The following TRPM8 variants were observed in gnomAD, a reference collection of about 807,000 sequenced individuals.
TRPM8 encodes the protein transient receptor potential cation channel subfamily M member 8, also known as TRPM8 cationic channel.
A neutral mutation model predicts 133.7 loss-of-function variants in TRPM8; 110 were observed. The observed-to-expected ratio is 0.82, with a 90% confidence interval of 0.70 to 0.96. The LOEUF is 0.96. Among genes scored for constraint, TRPM8 ranks in the 40% least tolerant of loss-of-function variants. TRPM8 has a pLI of 0.00. For missense variants in TRPM8, 1,291 were observed against 1,379.5 expected, an observed-to-expected ratio of 0.94 and a Z score of 1.02; for synonymous variants, 535 against 532.3, an observed-to-expected ratio of 1.01 and a Z score of -0.07.
intron 2 of TRPM8, among the ~76,000 whole-genome samples, chr2:233,927,916 C>CTCTCTT (rs1691592531): frequency 3.0e-5 from 1 of 32,958 alleles, no homozygotes; most frequent in Admixed American, 4.0e-4. Flanking sequence ...CTTTCTCTCT[C>CTCTCTT]TCTCTCTTTC....
chr2:233,986,589 A>G (rs10210459), intron 21 of TRPM8, among the ~76,000 whole-genome samples: 6,331 of 152,274 alleles, frequency 0.042, 411 homozygotes, highest in African/African-American at 0.14. Context: ...TTAATACATT[A>G]TCTGTTAAAC....
intron 17 of TRPM8, among the ~76,000 whole-genome samples, chr2:233,971,841 G>A (rs1047103874): frequency 3.3e-5 from 5 of 151,166 alleles, no homozygotes; most frequent in African/African-American, 1.2e-4. Context: ...ACTGTGGAAG[G>A]GGACCCCAGC....
chr2:233,969,182 A>C (rs1337667096), intron 15 of TRPM8, among the ~76,000 whole-genome samples: 1 of 152,150 alleles, frequency 6.6e-6, no homozygotes, highest in African/African-American at 2.4e-5. Context: ...AAAGACTTAA[A>C]ATAAAACCAA....
intron 18 of TRPM8, 56 bp from the exon 19 acceptor site, chr2:233,981,718 A>C: frequency 6.5e-7 from 1 of 1,535,722 alleles, no homozygotes; most frequent in South Asian, 1.3e-5. Flanking sequence ...TTAGAAACAA[A>C]ACTTTGGAAT....
intron 15 of TRPM8, among the ~76,000 whole-genome samples, chr2:233,968,758 G>A (rs1414206412): frequency 6.6e-6 from 1 of 151,946 alleles, no homozygotes; most frequent in Non-Finnish European, 1.5e-5. Context: ...GTCCTTTGAT[G>A]TGGTCGAGTC....
rs184795274 is a variant in TRPM8 at position 234,005,973 on chromosome 2, T to C, written c.3131-880T>C. Among the ~76,000 whole-genome samples, 504 of 117,696 alleles carry C rather than the reference T, an allele frequency of 4.3e-3. 1 individual carries two copies. The highest frequency in any genetic ancestry group is 0.018 in the African/African-American group (486 of 26,706). The allele number at this position is 117,696 out of a possible 152,430, so 77.2% of individuals were successfully genotyped here. On this transcript the variant is annotated intron_variant, in intron 22 of 25. Transcript: ENST00000324695. ...ACACACACACACACACACACAGAAT[T>C]TGCTTAAATCCAGCCATGTGCATAT...
At chr2:233,954,789 G>A (rs557606745) in intron 10 of TRPM8, among the ~76,000 whole-genome samples, 4 of 152,290 alleles carry the variant, frequency 2.6e-5, no homozygotes, top group South Asian at 2.1e-4. Context: ...TTATTGTTTC[G>A]TAGATTTAGA....
At chr2:234,000,415 T>C (rs1384668938) in intron 22 of TRPM8, among the ~76,000 whole-genome samples, 2 of 152,164 alleles carry the variant, frequency 1.3e-5, no homozygotes, top group African/African-American at 4.8e-5. Flanking sequence ...TGGCCCTGTG[T>C]GGATGTTTTA....
chr2:233,955,378 C>A, intron 11 of TRPM8, 128 bp downstream of exon 11: 1 of 681,834 alleles, frequency 1.5e-6, no homozygotes, highest in Non-Finnish European at 2.5e-6. Context: ...TCCAGAATAT[C>A]AGGATTGCTG....
intron 22 of TRPM8, among the ~76,000 whole-genome samples, chr2:234,004,988 TC>T (rs1692657967): frequency 2.0e-5 from 3 of 152,224 alleles, no homozygotes. Flanking sequence ...CCATAATTAA[TC>T]AGTTCCTTGT....
intron 22 of TRPM8, among the ~76,000 whole-genome samples, chr2:234,004,724 T>C (rs1306713653): frequency 6.6e-6 from 1 of 152,224 alleles, no homozygotes; most frequent in Admixed American, 6.5e-5. Context: ...TTGAAAAATA[T>C]AGAAAAGCAC....
intron 8 of TRPM8, 37 bp from the exon 9 acceptor site, chr2:233,949,912 G>A (rs1411150926): frequency 1.2e-6 from 2 of 1,603,042 alleles, no homozygotes; most frequent in Non-Finnish European, 1.7e-6. Flanking sequence ...TGTGGACCAA[G>A]GTCTCTGATC....
intron 8 of TRPM8, among the ~76,000 whole-genome samples, chr2:233,949,364 C>T (rs935430780): frequency 3.3e-5 from 5 of 152,202 alleles, no homozygotes; most frequent in Non-Finnish European, 7.3e-5. Flanking sequence ...CTCTGCTGTC[C>T]TCTGCAGTTG....
rs1692228005 is a variant in TRPM8, at chr2:233,989,718, TTGGAG to T, written c.2939+3856_2939+3860del. Among the ~76,000 whole-genome samples, 1 of 152,180 alleles carries T rather than the reference TTGGAG, an allele frequency of 6.6e-6. No individual in the cohort carries two copies. Among genetic ancestry groups the T allele is most frequent in the Non-Finnish European group, 1.5e-5 (1 of 68,018 alleles). On this transcript the variant is annotated intron_variant, in intron 21 of 25. Transcript: ENST00000324695. This position sits in a 1 kb window ranked among gnomAD's most constrained non-coding sequence, Gnocchi z 4.2. ...TACCTTTGGGAATTCTGAAGGAGTATTGGAGTGCTCTCTAGATGGTATTCAACAGA... is the reference window on the plus strand; with the variant it reads ...TACCTTTGGGAATTCTGAAGGAGTATTGCTCTCTAGATGGTATTCAACAGA...
chr2:233,973,636 TC>T (rs776127735), intron 17 of TRPM8, among the ~76,000 whole-genome samples: 3 of 152,352 alleles, frequency 2.0e-5, no homozygotes, highest in Middle Eastern at 3.4e-3. Context: ...GGCTAGGACT[TC>T]CATGTTTGAA....
At chr2:233,996,633 C>A in intron 22 of TRPM8, 117 bp downstream of exon 22, 1 of 945,964 alleles carries the variant, frequency 1.1e-6, no homozygotes, top group Non-Finnish European at 1.6e-6. Flanking sequence ...CTGTTCACAT[C>A]TGTACATCTG....
chr2:233,998,884 C>T (rs1692477975), intron 22 of TRPM8, among the ~76,000 whole-genome samples: 1 of 152,118 alleles, frequency 6.6e-6, no homozygotes, highest in Admixed American at 6.5e-5. Context: ...TGGGAACCTC[C>T]TTGGTTTCAG....
At chr2:233,924,825 G>A (rs1372884476) in intron 1 of TRPM8, among the ~76,000 whole-genome samples, 1 of 152,206 alleles carries the variant, frequency 6.6e-6, no homozygotes, top group African/African-American at 2.4e-5. Context: ...TGCTGTAAGG[G>A]AATCATAGTG....
intron 11 of TRPM8, among the ~76,000 whole-genome samples, chr2:233,958,506 C>T (rs1691349362): frequency 6.6e-6 from 1 of 152,194 alleles, no homozygotes; most frequent in Admixed American, 6.5e-5. Context: ...TACTGACTCC[C>T]AGCATTCTGC....
Sources: allele counts gnomAD v4.1 joint callset (sites outside exome capture counted in the v4.1 genomes callset), GRCh38; gene constraint gnomAD v4.1.1; non-coding constraint Gnocchi (gnomAD v3.1); transcripts MANE v1.5; gene names NCBI Gene and HGNC (gene_info 2026-07-23, HGNC 2026-07-21).